TLL1: variants seen among roughly 807,000 people sequenced by gnomAD.
TLL1 encodes tolloid like 1.
In TLL1, 49 loss-of-function variants were observed where a neutral mutation model predicts 128.2. That is an observed-to-expected ratio of 0.38 (90% CI 0.30 to 0.48). The LOEUF (loss-of-function observed/expected upper bound fraction) is 0.48. Ranked by LOEUF, TLL1 falls within the 20% of genes least tolerant of loss-of-function variation. The pLI, the probability that TLL1 is intolerant of heterozygous loss-of-function variation, is 0.96. For missense variants in TLL1, 1,123 were observed against 1,242.0 expected, an observed-to-expected ratio of 0.90 and a Z score of 1.44; for synonymous variants, 454 against 418.8, an observed-to-expected ratio of 1.08 and a Z score of -1.03.
intron 1 of TLL1, 41 bp from the exon 2 acceptor site, chr4:165,989,340 C>T (rs377763460): frequency 2.3e-5 from 33 of 1,434,086 alleles, no homozygotes; most frequent in South Asian, 8.0e-5. Context: ...ATTGATTTCA[C>T]GGAAATATTT....
At chr4:166,024,141 G>A (rs10003271) in intron 8 of TLL1, among the ~76,000 whole-genome samples, 1 of 152,002 alleles carries the variant, frequency 6.6e-6, no homozygotes, top group South Asian at 2.1e-4. Context: ...GCTTTTGTCT[G>A]CCTGTTCATC....
intron 9 of TLL1, among the ~76,000 whole-genome samples, chr4:166,035,189 G>T (rs1738945221): frequency 6.6e-6 from 1 of 152,152 alleles, no homozygotes. Context: ...TTCAAAGTCA[G>T]ATGTTATCAC....
At position 166,089,048 on chromosome 4, in the gene TLL1, A is replaced by G. The variant is rs573584130; in HGVS notation, c.2443-2080A>G. Among the ~76,000 whole-genome samples, 9 of 152,266 alleles carry G rather than the reference A, an allele frequency of 5.9e-5. No individual in the cohort carries two copies. In the South Asian group the frequency reaches 1.2e-3, roughly 21 times the overall value. ...CAACTTTCTTAAAATACTCTCTTCT[A>G]TGCAGCAGGTTTCCCTGGTTCTTTG... On this transcript the variant is annotated intron_variant, in intron 18 of 20. Coordinates refer to ENST00000061240, the MANE Select transcript of TLL1 (RefSeq NM_012464.5).
chr4:166,089,299 A>C (rs1348421858), intron 18 of TLL1, among the ~76,000 whole-genome samples: 1 of 152,096 alleles, frequency 6.6e-6, no homozygotes, highest in African/African-American at 2.4e-5. Flanking sequence ...TGATGTTAGG[A>C]GTGTATATAT....
chr4:165,928,504 T>C (rs903451494), intron 1 of TLL1, among the ~76,000 whole-genome samples: 2 of 152,118 alleles, frequency 1.3e-5, no homozygotes, highest in Non-Finnish European at 1.5e-5. Flanking sequence ...AGGAAGAGCA[T>C]TTCAGGCAAA....
chr4:166,030,702 A>G, intron 9 of TLL1: 6 of 1,142,094 alleles, frequency 5.3e-6, no homozygotes, highest in Non-Finnish European at 6.6e-6. Flanking sequence ...ACATGTGGAT[A>G]TCCAGTTTCT....
At chr4:166,041,234 A>T (rs1213387044) in intron 10 of TLL1, among the ~76,000 whole-genome samples, 1 of 151,914 alleles carries the variant, frequency 6.6e-6, no homozygotes, top group Admixed American at 6.5e-5. Context: ...TTTCCTCAGG[A>T]GTGCTGTTGA....
intron 5 of TLL1, among the ~76,000 whole-genome samples, chr4:166,001,138 C>T (rs915079676): frequency 4.6e-5 from 7 of 152,056 alleles, no homozygotes; most frequent in Non-Finnish European, 8.8e-5. Context: ...TTTAATCATT[C>T]GGTCAATTAG....
At chr4:166,068,336 A>G (rs1272796060) in intron 16 of TLL1, among the ~76,000 whole-genome samples, 3 of 151,856 alleles carry the variant, frequency 2.0e-5, no homozygotes, top group Non-Finnish European at 4.4e-5. Flanking sequence ...GTCATAATTT[A>G]CAAAAGATTA....
chr4:165,930,738 A>G (rs1293570965), intron 1 of TLL1, among the ~76,000 whole-genome samples: 2 of 152,242 alleles, frequency 1.3e-5, no homozygotes, highest in African/African-American at 4.8e-5. Flanking sequence ...TCTTTTGAAA[A>G]AGTGATAACA....
intron 12 of TLL1, chr4:166,044,467 C>T (rs1212970146): frequency 6.7e-7 from 1 of 1,503,344 alleles, no homozygotes. Flanking sequence ...TGTCTCTGTC[C>T]CCTTGCATGT....
intron 1 of TLL1, among the ~76,000 whole-genome samples, chr4:165,931,265 G>A (rs921179203): frequency 7.2e-5 from 11 of 152,238 alleles, no homozygotes; most frequent in African/African-American, 2.6e-4. Context: ...TAATAGCATA[G>A]GAGAGTTATC....
intron 1 of TLL1, among the ~76,000 whole-genome samples, chr4:165,968,660 C>G (rs1223378375): frequency 1.3e-5 from 2 of 152,020 alleles, no homozygotes; most frequent in Non-Finnish European, 2.9e-5. Flanking sequence ...ATTCAATGGC[C>G]TAAAAGGGGG....
chr4:166,076,639 A>C (rs1210803612), intron 17 of TLL1, among the ~76,000 whole-genome samples: 1 of 152,126 alleles, frequency 6.6e-6, no homozygotes, highest in Non-Finnish European at 1.5e-5. Context: ...TGAGCCTCTC[A>C]ACCTAGTCTC....
At chr4:165,931,590 GC>G (rs1468964588) in intron 1 of TLL1, among the ~76,000 whole-genome samples, 1 of 151,926 alleles carries the variant, frequency 6.6e-6, no homozygotes, top group African/African-American at 2.4e-5. Context: ...GTGGTGGTGG[GC>G]ACCTGTAGTC....
At chr4:165,940,417 G>A (rs1414071088) in intron 1 of TLL1, among the ~76,000 whole-genome samples, 1 of 151,698 alleles carries the variant, frequency 6.6e-6, no homozygotes, top group Admixed American at 6.6e-5. Context: ...TCTACTGAGT[G>A]TAAATTTCAT....
chr4:165,994,449 C>A lies in TLL1; in HGVS notation c.430C>A (p.Arg144=). 2 of 1,613,980 alleles carry A rather than the reference C, an allele frequency of 1.2e-6. No individual in the cohort carries two copies. Among genetic ancestry groups the A allele is most frequent in the East Asian group, 2.2e-5 (1 of 44,852 alleles). Residue 144 remains arginine (R), a synonymous_variant, in exon 4 of 21, where the codon CGA becomes AGA. Transcript: ENST00000061240. ...LQFSGQNEKN[R]VPRAATSRTE... ...ATTCTCAGGGCAAAATGAGAAAAAT[C>A]GAGTTCCCAGAGCCGCTACATCAAG...
intron 1 of TLL1, among the ~76,000 whole-genome samples, chr4:165,961,302 A>C (rs1319609521): frequency 6.6e-6 from 1 of 152,124 alleles, no homozygotes; most frequent in Non-Finnish European, 1.5e-5. Context: ...TACAAAACAC[A>C]GTTGAAAGAA....
intron 8 of TLL1, among the ~76,000 whole-genome samples, chr4:166,016,462 A>G (rs918002100): frequency 2.0e-5 from 3 of 152,090 alleles, no homozygotes; most frequent in Non-Finnish European, 4.4e-5. Flanking sequence ...TAGGAAAGTC[A>G]GGAAGAATAA....
Sources: allele counts gnomAD v4.1 joint callset (sites outside exome capture counted in the v4.1 genomes callset), GRCh38; gene constraint gnomAD v4.1.1; transcripts MANE v1.5; gene names NCBI Gene and HGNC (gene_info 2026-07-23, HGNC 2026-07-21).